LRRC53: variants seen among roughly 807,000 people sequenced by gnomAD.
The protein encoded by LRRC53 is leucine rich repeat containing 53, also known as leucine-rich repeat-containing protein 53.
In LRRC53, 25 loss-of-function variants were observed where a neutral mutation model predicts 13.6. The ratio of observed to expected loss-of-function variants is 1.83; its 90% CI spans 1.34 to 2.56. The LOEUF (loss-of-function observed/expected upper bound fraction) is 2.56. LRRC53 is among the 30% of genes most tolerant of loss of function. The pLI is 0.00. For synonymous variants in LRRC53, 204 were observed against 109.8 expected (o/e 1.86, Z -5.37); for missense variants, 527 against 275.8 (o/e 1.91, Z -6.45).
At chr1:74,517,262 T>G (rs765731463), upstream of LRRC53, among the ~76,000 whole-genome samples, 2 of 152,214 alleles carry the variant, frequency 1.3e-5, no homozygotes, top group Non-Finnish European at 2.9e-5. Flanking sequence ...TTTATTATAT[T>G]CTGTCAGGTC....
the LRRC53 span, among the ~76,000 whole-genome samples, chr1:74,534,476 G>A: frequency 6.6e-6 from 1 of 152,046 alleles, no homozygotes; most frequent in African/African-American, 2.4e-5. Flanking sequence ...AAAACATTTG[G>A]CAGGCTGTAG....
At chr1:74,526,154 A>T in the LRRC53 span, among the ~76,000 whole-genome samples, 1 of 152,232 alleles carries the variant, frequency 6.6e-6, no homozygotes. Flanking sequence ...AGGGAGTTTT[A>T]AAACCTTCCC....
At position 74,480,247 on chromosome 1, in the gene LRRC53, A is replaced by G. The variant is rs1481678525; in HGVS notation, c.810T>C (p.Asp270=). The G allele has an allele frequency of 1.1e-5, 8 of 717,412 alleles. No homozygotes were observed. The highest frequency in any genetic ancestry group is 1.0e-4 in the South Asian group (7 of 67,610). The allele number at this position is 717,412 out of a possible 1,614,324, so 44.4% of individuals were successfully genotyped here. Residue 270 remains aspartate (D), a synonymous_variant, in exon 3 of 5, where the codon GAT becomes GAC. Transcript: ENST00000294635. ...CCAGAGTGAAGTTGGGAGCTTTGGAATCACAGTTGGTCTCAGACAGCCTCA... is the reference window on the plus strand; with the variant it reads ...CCAGAGTGAAGTTGGGAGCTTTGGAGTCACAGTTGGTCTCAGACAGCCTCA... ...SVLRLSETNC[D]SKAPNFTLVL...
chr1:74,494,029 A>C (rs1422810433), intron 1 of LRRC53, among the ~76,000 whole-genome samples: 1 of 152,180 alleles, frequency 6.6e-6, no homozygotes, highest in Non-Finnish European at 1.5e-5. Flanking sequence ...TGGGGAGCAA[A>C]GAAGGCAGTC....
At chr1:74,505,055 G>A (rs574861885) in intron 1 of LRRC53, among the ~76,000 whole-genome samples, 151 of 152,270 alleles carry the variant, frequency 9.9e-4, no homozygotes, top group African/African-American at 3.4e-3. Context: ...AGTTCTATGA[G>A]GTTTTCATTC....
At position 74,480,553 on chromosome 1, in the gene LRRC53, A is replaced by G; in HGVS notation, c.504T>C (p.Phe168=). 10 of 717,424 alleles carry G rather than the reference A, an allele frequency of 1.4e-5. 1 individual carries two copies. The highest frequency in any genetic ancestry group is 2.1e-5 in the Non-Finnish European group (8 of 385,106). The allele number at this position is 717,424 out of a possible 1,614,324, so 44.4% of individuals were successfully genotyped here. ...AGGCATCTTTCCCAATGTAGGAAAT[A>G]AAATTGTTGGATAAATCCAGATACC... ...SLRYLDLSNN[F]ISYIGKDAFR... The change falls in exon 3 of 5, where the codon TTT becomes TTC. Residue 168 remains phenylalanine (F), a synonymous_variant. Transcript: ENST00000294635.
At chr1:74,533,900 A>G in the LRRC53 span, among the ~76,000 whole-genome samples, 1 of 152,204 alleles carries the variant, frequency 6.6e-6, no homozygotes, top group African/African-American at 2.4e-5. Flanking sequence ...AGTGTGTTTT[A>G]GTAGAAAGAG....
At chr1:74,489,083 A>G (rs1470816779) in intron 1 of LRRC53, 1 of 861,588 alleles carries the variant, frequency 1.2e-6, no homozygotes, top group African/African-American at 1.7e-5. Flanking sequence ...AATATACTTT[A>G]TTGTTAATCT....
At chr1:74,508,264 A>G (rs1055179170) in intron 1 of LRRC53, among the ~76,000 whole-genome samples, 2 of 152,264 alleles carry the variant, frequency 1.3e-5, no homozygotes, top group African/African-American at 4.8e-5. Context: ...GTACCCTAGA[A>G]CTTAAAGTAT....
the LRRC53 span, among the ~76,000 whole-genome samples, chr1:74,531,837 ATAT>A: frequency 6.6e-6 from 1 of 152,226 alleles, no homozygotes; most frequent in African/African-American, 2.4e-5. Flanking sequence ...CCTTGTGCTA[ATAT>A]TATCACATAG....
At chr1:74,490,071 A>C (rs1022133792) in intron 1 of LRRC53, among the ~76,000 whole-genome samples, 1 of 151,160 alleles carries the variant, frequency 6.6e-6, no homozygotes, top group Admixed American at 6.6e-5. Context: ...AAAAAAAAAA[A>C]AAAAACTCAA....
chr1:74,489,470 T>C (rs952443043), intron 1 of LRRC53, among the ~76,000 whole-genome samples: 11 of 152,100 alleles, frequency 7.2e-5, no homozygotes, highest in African/African-American at 2.7e-4. Context: ...CAACAAATAA[T>C]AGGGCAGGCA....
rs1186046116 is a variant in LRRC53, at chr1:74,469,895, G to C, written c.3727C>G (p.Pro1243Ala). The part of the protein sequence containing the change: ...PPSAEYATTS[P>A]LETE ...TGTTCACTTTATTCTGTTTCTAAAG[G>C]TGATGTAGTAGCATATTCAGCAGAT... Residue 1243 changes from proline (P) to alanine (A), a missense_variant, in exon 5 of 5, where the codon CCT (proline) becomes GCT (alanine). Coordinates refer to ENST00000294635, the MANE Select transcript of LRRC53 (RefSeq NM_001382280.1). The C allele has an allele frequency of 2.5e-6, 1 of 400,602 alleles. No individual in the cohort carries two copies. The highest frequency in any genetic ancestry group is 4.4e-6 in the Non-Finnish European group (1 of 226,086). The allele number at this position is 400,602 out of a possible 1,614,324, so 24.8% of individuals were successfully genotyped here.
chr1:74,491,950 C>A, intron 1 of LRRC53: 1 of 1,246,568 alleles, frequency 8.0e-7, no homozygotes, highest in African/African-American at 1.5e-5. Context: ...TAGACTTTTT[C>A]CTGAAAGGAA....
the LRRC53 span, among the ~76,000 whole-genome samples, chr1:74,522,570 G>A: frequency 6.6e-6 from 1 of 152,108 alleles, no homozygotes; most frequent in African/African-American, 2.4e-5. Flanking sequence ...ATGAAAAAGA[G>A]AGAATCTGTC....
At position 74,469,624 on chromosome 1, in the gene LRRC53, C is replaced by T. The variant is rs1424711532; in HGVS notation, c.*254G>A. 3 of 301,710 alleles carry T rather than the reference C, an allele frequency of 9.9e-6. No homozygotes were observed. The highest frequency in any genetic ancestry group is 3.2e-4 in the South Asian group (2 of 6,172). 18.7% of individuals were successfully genotyped at this position (301,710 alleles called of 1,614,324 possible). A position where few individuals can be genotyped will look rare whatever the true frequency, so the allele number is the denominator to read the frequency against. On this transcript the variant is annotated 3_prime_UTR_variant, in exon 5 of 5. Coordinates refer to ENST00000294635, the MANE Select transcript of LRRC53 (RefSeq NM_001382280.1). ...CTTGCTTTTGCAAGACTTGGCAAAACTTTTCTTACTTGTTTTTTCATTCCT... is the reference window on the plus strand; with the variant it reads ...CTTGCTTTTGCAAGACTTGGCAAAATTTTTCTTACTTGTTTTTTCATTCCT...
At chr1:74,520,854 A>T in the LRRC53 span, among the ~76,000 whole-genome samples, 2 of 152,026 alleles carry the variant, frequency 1.3e-5, no homozygotes, top group Non-Finnish European at 2.9e-5. Context: ...TTAGATCTGG[A>T]AGGTACATAT....
chr1:74,504,078 G>GTT (rs1669769771), intron 1 of LRRC53, among the ~76,000 whole-genome samples: 1 of 152,170 alleles, frequency 6.6e-6, no homozygotes, highest in Non-Finnish European at 1.5e-5. Context: ...TACCCAGACA[G>GTT]CACTATAGTG....
chr1:74,511,529 G>A (rs529634082), intron 1 of LRRC53, among the ~76,000 whole-genome samples: 2 of 152,162 alleles, frequency 1.3e-5, no homozygotes, highest in South Asian at 4.2e-4. Flanking sequence ...TATTACGCTA[G>A]CCTCTTCACT....
Sources: allele counts gnomAD v4.1 joint callset (sites outside exome capture counted in the v4.1 genomes callset), GRCh38; gene constraint gnomAD v4.1.1; transcripts MANE v1.5; gene names NCBI Gene and HGNC (gene_info 2026-07-23, HGNC 2026-07-21).